The following CXADR variants were observed in gnomAD, a reference collection of about 807,000 sequenced individuals.
CXADR encodes CXADR cell adhesion molecule.
Under a neutral mutation model 40.3 loss-of-function variants are expected in CXADR, and 20 were observed. That is an observed-to-expected ratio of 0.50 (90% CI 0.35 to 0.72). The LOEUF is 0.72. CXADR is among the 30% of genes least tolerant of loss of function. CXADR has a pLI of 0.01. For synonymous variants in CXADR, 150 were observed against 161.3 expected (o/e 0.93, Z 0.53); for missense variants, 332 against 449.1 (o/e 0.74, Z 2.36).
chr21:17,571,381 A>G (rs887327458), downstream of CXADR, among the ~76,000 whole-genome samples: 1 of 152,220 alleles, frequency 6.6e-6, no homozygotes, highest in African/African-American at 2.4e-5. Flanking sequence ...CTTTCAAGGA[A>G]TCGAGATTAC....
chr21:17,538,846 A>G (rs1347482747), intron 1 of CXADR, among the ~76,000 whole-genome samples: 3 of 152,112 alleles, frequency 2.0e-5, no homozygotes, highest in African/African-American at 4.8e-5. Context: ...AAGCAATTAT[A>G]TAGAGAACAC....
At chr21:17,548,760 T>TC (rs1386452363) in intron 2 of CXADR, among the ~76,000 whole-genome samples, 1 of 152,182 alleles carries the variant, frequency 6.6e-6, no homozygotes, top group Non-Finnish European at 1.5e-5. Context: ...AGAAGAAGAC[T>TC]CCAAGTCGTC....
chr21:17,536,515 C>T (rs1246604852), intron 1 of CXADR, among the ~76,000 whole-genome samples: 1 of 152,068 alleles, frequency 6.6e-6, no homozygotes, highest in Non-Finnish European at 1.5e-5. Context: ...TTCACTTTCC[C>T]TCTACTCTGA....
At chr21:17,612,836 C>G in the CXADR span, 1 of 152,140 alleles carries the variant, frequency 6.6e-6, no homozygotes, top group Admixed American at 6.5e-5. Flanking sequence ...GCGTGCGGCT[C>G]CCGCGTCGTC....
chr21:17,621,466 A>C, the CXADR span, among the ~76,000 whole-genome samples: 1 of 152,222 alleles, frequency 6.6e-6, no homozygotes, highest in East Asian at 1.9e-4. Context: ...GAAAGGATCA[A>C]AAGGAAATAA....
rs376578468 is a variant in CXADR at position 17,568,726 on chromosome 21, A to AT, written c.*3043dup. Reference sequence around the variant, plus strand: ...TTTGAATATGGAGTAGTTTACAGCTATTTTTTTTTCTTACTGGTAATCTTA... The same window carrying AT: ...TTTGAATATGGAGTAGTTTACAGCTATTTTTTTTTTCTTACTGGTAATCTTA... On this transcript the variant is annotated 3_prime_UTR_variant, in exon 7 of 7. Transcript: ENST00000284878. 2.5e-3 allele frequency: 2,483 copies of AT among 980,806 alleles called. 46 individuals carry two copies. In the African/African-American group the frequency reaches 0.041, roughly 16 times the overall value. 60.8% of individuals were successfully genotyped at this position (980,806 alleles called of 1,614,324 possible).
the CXADR span, chr21:17,612,507 C>A: frequency 1.3e-5 from 2 of 150,392 alleles, no homozygotes; most frequent in African/African-American, 5.0e-5. Context: ...GCGGGCCGCC[C>A]TCGCGGCCCG....
intron 1 of CXADR, 49 bp from the exon 2 acceptor site, chr21:17,546,978 C>T: frequency 6.3e-7 from 1 of 1,598,752 alleles, no homozygotes; most frequent in Non-Finnish European, 8.5e-7. Flanking sequence ...ACTGTGTGGG[C>T]TGTCAGCGTA....
rs558701228 is a variant in CXADR, at chr21:17,559,214, G to A, written c.571+83G>A. 1.8e-5 allele frequency: 26 copies of A among 1,431,210 alleles called. No individual in the cohort carries two copies. In the African/African-American group the frequency reaches 2.1e-4, roughly 12 times the overall value. The allele number at this position is 1,431,210 out of a possible 1,614,324, so 88.7% of individuals were successfully genotyped here. On this transcript the variant is annotated intron_variant, in intron 4 of 6. Transcript: ENST00000284878. ...GGGGTGTGTGTGTGATTTGAGATAG[G>A]GCCTTGCTCTGTCACCCAGGCTCAC...
chr21:17,541,328 G>A (rs1011581986), intron 1 of CXADR, among the ~76,000 whole-genome samples: 14 of 152,130 alleles, frequency 9.2e-5, no homozygotes, highest in African/African-American at 2.9e-4. Context: ...CGAGGCGGGC[G>A]GATCACGAGG....
chr21:17,532,982 T>C (rs2060697089), intron 1 of CXADR, among the ~76,000 whole-genome samples: 1 of 152,184 alleles, frequency 6.6e-6, no homozygotes, highest in African/African-American at 2.4e-5. Context: ...CTGCATTTGT[T>C]GGGAGCTGGA....
chr21:17,530,304 A>G (rs1178172600), intron 1 of CXADR: 3 of 402,848 alleles, frequency 7.4e-6, no homozygotes, highest in African/African-American at 4.3e-5. Context: ...ATTTCTAACA[A>G]TGTAGATTAG....
the CXADR span, among the ~76,000 whole-genome samples, chr21:17,606,590 C>A: frequency 2.6e-5 from 4 of 152,034 alleles, no homozygotes; most frequent in Admixed American, 2.6e-4. Context: ...TAAGGTGATA[C>A]AGGCTCTAAG....
At chr21:17,574,994 C>CAT (rs1236094536), downstream of CXADR, among the ~76,000 whole-genome samples, 1 of 3,568 alleles carries the variant, frequency 2.8e-4, no homozygotes, top group African/African-American at 4.5e-4. Context: ...TACATATATA[C>CAT]ACACACATAC....
chr21:17,603,968 G>A, the CXADR span, among the ~76,000 whole-genome samples: 1 of 152,112 alleles, frequency 6.6e-6, no homozygotes, highest in African/African-American at 2.4e-5. Flanking sequence ...TGTTGCTTTC[G>A]TTTTTGAAAA....
Position 17,563,961 on chromosome 21 carries a change from A to G in CXADR, c.834-1467A>G, listed in dbSNP as rs1224069308. ...GTCTCAAAAAAAAAAAAAAAAAAAA[A>G]GGTATTGATACATTTGCTTGACACA... On this transcript the variant is annotated intron_variant, in intron 6 of 6. Coordinates refer to ENST00000284878, the MANE Select transcript of CXADR (RefSeq NM_001338.5). Among the ~76,000 whole-genome samples the G allele has an allele frequency of 4.9e-5, 7 of 142,940 alleles. No homozygotes were observed. In the East Asian group the frequency reaches 1.3e-3, roughly 26 times the overall value. The allele number at this position is 142,940 out of a possible 152,430, so 93.8% of individuals were successfully genotyped here. A position where few individuals can be genotyped will look rare whatever the true frequency, so the allele number is the denominator to read the frequency against.
intron 1 of CXADR, among the ~76,000 whole-genome samples, chr21:17,514,092 T>A (rs192216809): frequency 6.2e-4 from 94 of 152,362 alleles, no homozygotes; most frequent in Non-Finnish European, 1.2e-3. Context: ...TTTAACCAAC[T>A]GATCTTGTTT....
intron 1 of CXADR, among the ~76,000 whole-genome samples, chr21:17,535,867 G>T (rs915794150): frequency 6.6e-6 from 1 of 152,030 alleles, no homozygotes; most frequent in Non-Finnish European, 1.5e-5. Context: ...AATTAGTGGG[G>T]CATGGTGGCG....
At chr21:17,615,461 C>T in the CXADR span, among the ~76,000 whole-genome samples, 1 of 152,070 alleles carries the variant, frequency 6.6e-6, no homozygotes, top group African/African-American at 2.4e-5. Context: ...GCACATGGTA[C>T]CAAACCCTAT....
Sources: allele counts gnomAD v4.1 joint callset (sites outside exome capture counted in the v4.1 genomes callset), GRCh38; gene constraint gnomAD v4.1.1; transcripts MANE v1.5; gene names NCBI Gene and HGNC (gene_info 2026-07-23, HGNC 2026-07-21).